Variants in HSD17B6 observed in about 807,000 individuals in gnomAD.
HSD17B6 encodes the protein hydroxysteroid 17-beta dehydrogenase 6.
In HSD17B6, 16 loss-of-function variants were observed where a neutral mutation model predicts 26.4. The observed-to-expected ratio is 0.61, with a 90% CI of 0.41 to 0.92. The LOEUF is 0.92. Ranked by LOEUF, HSD17B6 falls within the 40% of genes least tolerant of loss-of-function variation. HSD17B6 has a pLI of 0.00. For synonymous variants in HSD17B6, 139 were observed against 153.0 expected, an observed-to-expected ratio of 0.91 and a Z score of 0.68; for missense variants, 357 against 386.1, an observed-to-expected ratio of 0.92 and a Z score of 0.63.
At chr12:56,770,793 G>C (rs969571400) in intron 1 of HSD17B6, among the ~76,000 whole-genome samples, 3 of 152,160 alleles carry the variant, frequency 2.0e-5, no homozygotes, top group Non-Finnish European at 4.4e-5. Context: ...AATTCTGTTA[G>C]ACCATGGGGC....
At chr12:56,784,426 G>A (rs991980042) in intron 3 of HSD17B6, among the ~76,000 whole-genome samples, 3 of 152,236 alleles carry the variant, frequency 2.0e-5, no homozygotes, top group African/African-American at 7.2e-5. Flanking sequence ...TGCAATCCCG[G>A]CACCTTGGGA....
At chr12:56,776,770 G>C (rs1233558650) in intron 2 of HSD17B6, among the ~76,000 whole-genome samples, 2 of 152,168 alleles carry the variant, frequency 1.3e-5, no homozygotes, top group Non-Finnish European at 2.9e-5. Context: ...TCTTGCCTCA[G>C]CCTCCCAAAA....
At position 56,767,644 on chromosome 12, in the gene HSD17B6, ATT is replaced by A. The variant is rs1954366220; in HGVS notation, c.-20+4231_-20+4232del. 3.5e-5 allele frequency among the ~76,000 whole-genome samples: 5 copies of A among 143,768 alleles called. No homozygotes were observed. The South Asian group carries it at 1.1e-3, about 30-fold the overall frequency. 94.3% of individuals were successfully genotyped at this position (143,768 alleles called of 152,430 possible). A position where few individuals can be genotyped will look rare whatever the true frequency, so the allele number is the denominator to read the frequency against. On this transcript the variant is annotated intron_variant, in intron 1 of 4. Transcript: ENST00000322165. ...TATAACATATATATTATATTAATAT[ATT>A]ATATATATTATATATATAGTGTATA...
chr12:56,783,523 G>A (rs1179686421), intron 3 of HSD17B6, among the ~76,000 whole-genome samples: 16 of 145,612 alleles, frequency 1.1e-4, no homozygotes, highest in African/African-American at 2.8e-4. Context: ...CGGATGGGGC[G>A]GCCGGCCGGG....
At chr12:56,777,579 T>C (rs1423252283) in intron 2 of HSD17B6, among the ~76,000 whole-genome samples, 11 of 152,080 alleles carry the variant, frequency 7.2e-5, no homozygotes, top group Non-Finnish European at 1.0e-4. Context: ...GTCAGACTGG[T>C]CTCGAACTCC....
chr12:56,772,897 A>G (rs1234889844), intron 1 of HSD17B6, among the ~76,000 whole-genome samples: 2 of 152,130 alleles, frequency 1.3e-5, no homozygotes, highest in Non-Finnish European at 2.9e-5. Flanking sequence ...TTCATGTCAA[A>G]CTAAGGAGTT....
At chr12:56,769,047 A>G (rs1207408253) in intron 1 of HSD17B6, among the ~76,000 whole-genome samples, 3 of 151,464 alleles carry the variant, frequency 2.0e-5, no homozygotes, top group African/African-American at 7.3e-5. Context: ...GGGGGAGGGG[A>G]AGAGCCCCAA....
intron 1 of HSD17B6, among the ~76,000 whole-genome samples, chr12:56,769,907 A>G (rs1447530232): frequency 6.6e-6 from 1 of 152,206 alleles, no homozygotes; most frequent in Non-Finnish European, 1.5e-5. Flanking sequence ...GCGATGGCTG[A>G]ATAGTAATGC....
chr12:56,777,759 A>G (rs1206950792), intron 2 of HSD17B6, among the ~76,000 whole-genome samples: 1 of 152,128 alleles, frequency 6.6e-6, no homozygotes, highest in African/African-American at 2.4e-5. Context: ...ATTTTAAAAT[A>G]TTACTTCCTT....
chr12:56,785,646 G>A (rs1363977766), intron 4 of HSD17B6, among the ~76,000 whole-genome samples: 1 of 152,220 alleles, frequency 6.6e-6, no homozygotes, highest in South Asian at 2.1e-4. Flanking sequence ...GCACTAGGAG[G>A]TATTACATAC....
rs989409932 is a variant in HSD17B6 at position 56,782,357 on chromosome 12, T to A, written c.572+125T>A. ...CTTGATACATAGATATTATTACTAG[T>A]CTATTTTATATAGCTAACAGGCTCA... On this transcript the variant is annotated intron_variant, in intron 3 of 4. Transcript: ENST00000322165. The A allele has an allele frequency of 3.2e-6, 3 of 945,062 alleles. No homozygotes were observed. The East Asian group carries it at 7.9e-5, about 25-fold the overall frequency. The allele number at this position is 945,062 out of a possible 1,614,324, so 58.5% of individuals were successfully genotyped here.
intron 1 of HSD17B6, among the ~76,000 whole-genome samples, chr12:56,767,290 A>C (rs927580393): frequency 6.6e-6 from 1 of 151,824 alleles, no homozygotes; most frequent in Admixed American, 6.6e-5. Flanking sequence ...AGGTGGGAGG[A>C]TCACGAGGTC....
At chr12:56,784,135 T>G (rs1481414825) in intron 3 of HSD17B6, among the ~76,000 whole-genome samples, 1 of 144,282 alleles carries the variant, frequency 6.9e-6, no homozygotes, top group Non-Finnish European at 1.5e-5. Context: ...CGGGAAGAGG[T>G]GCTCCTCACT....
chr12:56,768,140 A>C (rs1037786467), intron 1 of HSD17B6, among the ~76,000 whole-genome samples: 17 of 152,244 alleles, frequency 1.1e-4, no homozygotes, highest in African/African-American at 3.9e-4. Context: ...ATCTGAAAGC[A>C]ATCTTCTTCT....
intron 4 of HSD17B6, among the ~76,000 whole-genome samples, chr12:56,786,866 A>G (rs1474762794): frequency 6.6e-6 from 1 of 152,168 alleles, no homozygotes; most frequent in African/African-American, 2.4e-5. Flanking sequence ...ACCCCAAAAA[A>G]CAACCAAACA....
At chr12:56,771,548 TC>T (rs1237252144) in intron 1 of HSD17B6, among the ~76,000 whole-genome samples, 6 of 135,128 alleles carry the variant, frequency 4.4e-5, no homozygotes, top group Non-Finnish European at 9.2e-5. Flanking sequence ...AACCTCCACC[TC>T]CCGGGTTCAA....
At chr12:56,783,585 C>CG (rs1400107726) in intron 3 of HSD17B6, among the ~76,000 whole-genome samples, 3 of 122,816 alleles carry the variant, frequency 2.4e-5, no homozygotes, top group East Asian at 2.7e-4. Context: ...GCTGGCCGGG[C>CG]GGGGGCTGAC....
At chr12:56,783,486 G>A (rs1284610041) in intron 3 of HSD17B6, among the ~76,000 whole-genome samples, 2 of 146,010 alleles carry the variant, frequency 1.4e-5, no homozygotes, top group Non-Finnish European at 3.0e-5. Flanking sequence ...CTGGCCGGGC[G>A]GGGAGCTGAG....
At chr12:56,771,252 G>A (rs1954466503) in intron 1 of HSD17B6, among the ~76,000 whole-genome samples, 1 of 152,012 alleles carries the variant, frequency 6.6e-6, no homozygotes, top group South Asian at 2.1e-4. Flanking sequence ...CTATTCCTGT[G>A]CCTTCCCCCT....
Sources: allele counts gnomAD v4.1 joint callset (sites outside exome capture counted in the v4.1 genomes callset), GRCh38; gene constraint gnomAD v4.1.1; transcripts MANE v1.5; gene names NCBI Gene and HGNC (gene_info 2026-07-23, HGNC 2026-07-21).